Variants in ARHGAP32 observed in about 807,000 individuals in gnomAD.
The protein encoded by ARHGAP32 is rho GTPase-activating protein 32.
Under a neutral mutation model 186.5 loss-of-function variants are expected in ARHGAP32, and 51 were observed. The observed-to-expected ratio is 0.27, with a 90% CI of 0.22 to 0.35. The LOEUF is 0.35. Ranked by LOEUF, ARHGAP32 falls within the 10% of genes least tolerant of loss-of-function variation. The probability of loss-of-function intolerance (pLI) is 1.00; values close to 1 mark genes in which losing one functional copy is unlikely to be tolerated. For missense variants in ARHGAP32, 2,186 were observed against 2,623.5 expected (o/e 0.83, Z 3.64); for synonymous variants, 950 against 964.3 (o/e 0.99, Z 0.27).
chr11:129,157,871 C>G (rs1301446025), intron 2 of ARHGAP32, among the ~76,000 whole-genome samples: 1 of 152,174 alleles, frequency 6.6e-6, no homozygotes, highest in Admixed American at 6.5e-5. Context: ...ATCAGACTGA[C>G]AGCAGAGCTC....
intron 1 of ARHGAP32, among the ~76,000 whole-genome samples, chr11:129,237,944 G>C (rs1429482891): frequency 2.6e-5 from 4 of 152,070 alleles, no homozygotes; most frequent in African/African-American, 7.2e-5. Context: ...TTTAGACTAG[G>C]GTGGTAGCAA....
intron 5 of ARHGAP32, among the ~76,000 whole-genome samples, chr11:129,094,435 T>C (rs917777561): frequency 7.9e-5 from 12 of 152,234 alleles, no homozygotes; most frequent in African/African-American, 2.9e-4. Context: ...ATTTTAGTTT[T>C]ATTTAAACCA....
chr11:129,061,347 T>C (rs887544093), intron 10 of ARHGAP32, among the ~76,000 whole-genome samples: 4 of 152,122 alleles, frequency 2.6e-5, no homozygotes, highest in African/African-American at 9.7e-5. Context: ...CATAAAGTAG[T>C]CCCTCCTTAT....
At chr11:129,159,100 G>T (rs1404281972) in intron 2 of ARHGAP32, among the ~76,000 whole-genome samples, 1 of 152,212 alleles carries the variant, frequency 6.6e-6, no homozygotes, top group African/African-American at 2.4e-5. Flanking sequence ...ACAGGAGAAA[G>T]TGGGAAAGAT....
chr11:129,077,295 G>A (rs1009022685), intron 6 of ARHGAP32, among the ~76,000 whole-genome samples: 11 of 152,162 alleles, frequency 7.2e-5, no homozygotes, highest in Non-Finnish European at 1.5e-4. Flanking sequence ...GTTGGGTTGG[G>A]AGGTAAACAG....
chr11:129,065,032 T>C (rs1326207912), intron 7 of ARHGAP32, 99 bp from the exon 8 acceptor site: 3 of 959,606 alleles, frequency 3.1e-6, no homozygotes, highest in Admixed American at 2.3e-5. Flanking sequence ...TATAGATCTT[T>C]AGGCATTTTA....
At chr11:129,245,488 T>C in intron 1 of ARHGAP32, among the ~76,000 whole-genome samples, 1 of 150,106 alleles carries the variant, frequency 6.7e-6, no homozygotes, top group Non-Finnish European at 1.5e-5. Context: ...TTGGGAGATA[T>C]ACCTAATGCT....
intron 1 of ARHGAP32, among the ~76,000 whole-genome samples, chr11:129,191,619 A>G (rs1230602222): frequency 6.6e-6 from 1 of 151,752 alleles, no homozygotes; most frequent in Admixed American, 6.6e-5. Flanking sequence ...CTTAATCGGA[A>G]TTTTTCATAC....
chr11:129,022,915 G>C (rs1440894039), intron 11 of ARHGAP32, among the ~76,000 whole-genome samples: 1 of 152,048 alleles, frequency 6.6e-6, no homozygotes, highest in African/African-American at 2.4e-5. Context: ...TTTAAAAAAA[G>C]AAATCATAGT....
chr11:129,011,985 T>C (rs377165432), intron 11 of ARHGAP32, among the ~76,000 whole-genome samples: 14 of 152,258 alleles, frequency 9.2e-5, no homozygotes, highest in African/African-American at 2.9e-4. Context: ...AAAAATGGGT[T>C]AAAAACAACA....
intron 1 of ARHGAP32, among the ~76,000 whole-genome samples, chr11:129,276,753 T>C (rs926361681): frequency 1.3e-5 from 2 of 152,078 alleles, no homozygotes; most frequent in African/African-American, 4.8e-5. Context: ...CATTTTCATA[T>C]CCTTTCTATC....
At chr11:128,980,969 T>A (rs901599458) in intron 17 of ARHGAP32, among the ~76,000 whole-genome samples, 5 of 152,190 alleles carry the variant, frequency 3.3e-5, no homozygotes, top group Admixed American at 1.3e-4. Context: ...ACTGTTTTCC[T>A]TTCTTAAAAG....
intron 11 of ARHGAP32, among the ~76,000 whole-genome samples, chr11:129,005,439 T>TA (rs1019369572): frequency 6.6e-6 from 1 of 152,222 alleles, no homozygotes; most frequent in African/African-American, 2.4e-5. Flanking sequence ...AGGACAGGTC[T>TA]ACAAGCTGAA....
chr11:129,259,980 C>G (rs193126721), intron 1 of ARHGAP32, among the ~76,000 whole-genome samples: 1 of 152,278 alleles, frequency 6.6e-6, no homozygotes, highest in East Asian at 1.9e-4. Flanking sequence ...TTCCCATTCT[C>G]AAACAATCCC....
intron 11 of ARHGAP32, among the ~76,000 whole-genome samples, chr11:129,009,799 G>C (rs866020050): frequency 1.2e-4 from 18 of 152,158 alleles, no homozygotes; most frequent in African/African-American, 4.1e-4. Context: ...GTGAACGTAC[G>C]GGTGCGTGTA....
intron 11 of ARHGAP32, among the ~76,000 whole-genome samples, chr11:129,000,443 G>C (rs949164830): frequency 6.6e-6 from 1 of 152,132 alleles, no homozygotes; most frequent in Non-Finnish European, 1.5e-5. Flanking sequence ...TAAGTTTGCA[G>C]ATGATTACTG....
chr11:129,150,540 A>G (rs548222368), intron 2 of ARHGAP32, among the ~76,000 whole-genome samples: 1 of 152,222 alleles, frequency 6.6e-6, no homozygotes, highest in African/African-American at 2.4e-5. Flanking sequence ...CCTGTAAATC[A>G]GAAGAGACTG....
intron 1 of ARHGAP32, among the ~76,000 whole-genome samples, chr11:129,254,168 G>A (rs1945225026): frequency 6.6e-6 from 1 of 151,978 alleles, no homozygotes; most frequent in East Asian, 1.9e-4. Context: ...TAATTGAAAG[G>A]GGGGGAAATA....
intron 22 of ARHGAP32, chr11:128,971,452 G>A (rs1331576411): frequency 5.9e-6 from 2 of 339,974 alleles, no homozygotes; most frequent in East Asian, 5.2e-5. Flanking sequence ...AACCAAAAGA[G>A]AGGTTTAGTC....
Sources: gnomAD v4.1 joint callset for allele counts (sites outside exome capture counted in the v4.1 genomes callset) on GRCh38, gnomAD v4.1.1 for gene constraint, MANE v1.5 for transcripts, NCBI Gene and HGNC (gene_info 2026-07-23, HGNC 2026-07-21) for gene names.